The following ARX variants were observed in gnomAD, a reference collection of about 807,000 sequenced individuals.
ARX encodes aristaless related homeobox, also known as homeobox protein ARX.
A neutral mutation model predicts 23.1 loss-of-function variants in ARX; 1 was observed. The observed-to-expected ratio is 0.04, with a 90% CI of 0.02 to 0.21. The LOEUF (loss-of-function observed/expected upper bound fraction) is 0.21, where lower values mean the gene tolerates loss of function less well. ARX is among the 10% of genes least tolerant of loss of function. The pLI is 1.00. For missense variants in ARX, 380 were observed against 527.5 expected (o/e 0.72, Z 2.74); for synonymous variants, 301 against 270.1 (o/e 1.11, Z -1.12).
chrX:25,013,105 A>G lies in ARX; in HGVS notation c.890T>C (p.Leu297Pro). Reference protein sequence around the residue: ...GELSPKEELLLHPEDAEGKDG... With the variant: ...GELSPKEELLPHPEDAEGKDG... ...CTTGCCCTCAGCGTCTTCCGGGTGC[A>G]GCAGCAGCTCCTCCTTGGGTGACAG... Residue 297 changes from leucine (L) to proline (P), a missense_variant, in exon 2 of 5, where the codon CTG becomes CCG. Transcript: ENST00000379044. 1 of 1,202,894 alleles carries G rather than the reference A, an allele frequency of 8.3e-7. No individual in the cohort carries two copies. Among genetic ancestry groups the G allele is most frequent in the Non-Finnish European group, 1.1e-6 (1 of 891,550 alleles).
In ARX at chrX:25,007,182, C is replaced by A. The variant is rs757030151; in HGVS notation, c.1377G>T (p.Pro459=). Residue 459 remains proline, a synonymous_variant, in exon 4 of 5, where the codon CCG becomes CCT. Coordinates refer to ENST00000379044, the MANE Select transcript of ARX (RefSeq NM_139058.3). ...GSASLPPSGA[P]LGLSTFLGAA... ...CTCCGAGGAAAGTGCTCAGGCCCAG[C>A]GGCGCCCCGCTGGGCGGCAGGCTGG... The A allele has an allele frequency of 8.4e-7, 1 of 1,190,315 alleles. No individual in the cohort carries two copies. The highest frequency in any genetic ancestry group is 1.1e-6 in the Non-Finnish European group (1 of 885,880).
At position 25,003,790 on chromosome X, in the gene ARX, G is replaced by A. The variant is rs1186815084; in HGVS notation, c.*880C>T. On this transcript the variant is annotated 3_prime_UTR_variant, in exon 5 of 5. Coordinates refer to ENST00000379044, the MANE Select transcript of ARX (RefSeq NM_139058.3). ...CAATTACACATTACACAAAAGTACT[G>A]TACCATTGCCTTTATCTTGAAGGTT... 1.8e-5 allele frequency: 2 copies of A among 111,720 alleles called. No individual in the cohort carries two copies. The highest frequency in any genetic ancestry group is 3.8e-5 in the Non-Finnish European group (2 of 53,170). 9.2% of individuals were successfully genotyped at this position (111,720 alleles called of 1,213,427 possible).
At position 25,013,461 on chromosome X, in the gene ARX, G is replaced by A; in HGVS notation, c.534C>T (p.Asn178=). 1 of 927,548 alleles carries A rather than the reference G, an allele frequency of 1.1e-6. No individual in the cohort carries two copies. Among genetic ancestry groups the A allele is most frequent in the Non-Finnish European group, 1.3e-6 (1 of 747,761 alleles). 76.4% of individuals were successfully genotyped at this position (927,548 alleles called of 1,213,427 possible). ...GCGGCGGCGGCACGAAGGGCGCCCC[G>A]TTCTCGCGGTACGACTTGCTGCGGC... ...SISRSKSYRE[N]GAPFVPPPPA... The change falls in exon 2 of 5, where the codon AAC becomes AAT. Residue 178 remains asparagine, a synonymous_variant. Coordinates refer to ENST00000379044, the MANE Select transcript of ARX (RefSeq NM_139058.3).
chrX:25,010,500 G>A (rs1158324149), intron 2 of ARX, among the ~76,000 whole-genome samples, 195 bp from the exon 3 acceptor site: 3 of 106,225 alleles, frequency 2.8e-5, no homozygotes, highest in Admixed American at 2.0e-4. Context: ...GCAAAAACAC[G>A]AAGCACATTA....
At chrX:25,006,429 A>G (rs1161504466) in intron 4 of ARX, 1 of 112,966 alleles carries the variant, frequency 8.9e-6, no homozygotes, top group Non-Finnish European at 1.9e-5. Context: ...GCGCTAACAC[A>G]ATACATCCCT....
intron 3 of ARX, 60 bp from the exon 4 acceptor site, chrX:25,007,499 C>T (rs1314398194): frequency 9.0e-7 from 1 of 1,113,714 alleles, no homozygotes; most frequent in Non-Finnish European, 1.2e-6. Context: ...CACCGGGCCC[C>T]TACCCGTCCC....
At chrX:25,008,291 A>G (rs1194867680) in intron 3 of ARX, among the ~76,000 whole-genome samples, 1 of 113,043 alleles carries the variant, frequency 8.8e-6, no homozygotes, top group Non-Finnish European at 1.9e-5. Flanking sequence ...AGCAGGCAGC[A>G]ATACCTGGGC....
Position 25,013,332 on chromosome X carries a change from G to A in ARX, c.663C>T (p.Thr221=), listed in dbSNP as rs1006404746. 3.7e-5 allele frequency: 43 copies of A among 1,150,184 alleles called. No homozygotes were observed. Among genetic ancestry groups the A allele is most frequent in the African/African-American group, 3.6e-4 (20 of 55,227 alleles). The allele number at this position is 1,150,184 out of a possible 1,213,427, so 94.8% of individuals were successfully genotyped here. A position where few individuals can be genotyped will look rare whatever the true frequency, so the allele number is the denominator to read the frequency against. The change falls in exon 2 of 5, where the codon ACC becomes ACT. Residue 221 remains threonine (T), a synonymous_variant. Transcript: ENST00000379044. ...PGSAPAAGGG[T]GTEDDEEELL... Reference sequence around the variant, plus strand: ...GCTCCTCCTCGTCGTCCTCGGTGCCGGTGCCACCACCCGCAGCCGGGGCGC... The same window carrying A: ...GCTCCTCCTCGTCGTCCTCGGTGCCAGTGCCACCACCCGCAGCCGGGGCGC...
chrX:25,005,236 G>C (rs2048672690), intron 4 of ARX, among the ~76,000 whole-genome samples: 2 of 112,134 alleles, frequency 1.8e-5, no homozygotes, highest in Admixed American at 9.3e-5. Context: ...TCGCTTAAAC[G>C]GACGGTTTAT....
rs761996455 is a variant in ARX at position 25,010,062 on chromosome X, C to A, written c.1119+198G>T. On this transcript the variant is annotated intron_variant, in intron 3 of 4. Coordinates refer to ENST00000379044, the MANE Select transcript of ARX (RefSeq NM_139058.3). ...TGGGCTCCCAAACCCAGAAACCTCC[C>A]GCTTCCACCTCCCATGTCTTAAGTT... Among the ~76,000 whole-genome samples the A allele has an allele frequency of 2.3e-4, 26 of 111,394 alleles. 2 individuals are homozygous for A. The Admixed American group carries it at 2.4e-3, about 10-fold the overall frequency.
intron 4 of ARX, among the ~76,000 whole-genome samples, chrX:25,005,333 G>A (rs369042004): frequency 0.012 from 876 of 73,632 alleles, 7 homozygotes; most frequent in South Asian, 0.054. Context: ...AGGGAAGGTG[G>A]AGGGTGGGAG....
At chrX:25,005,657 C>T (rs1569393693) in intron 4 of ARX, among the ~76,000 whole-genome samples, 1 of 112,810 alleles carries the variant, frequency 8.9e-6, no homozygotes, top group East Asian at 2.8e-4. Context: ...TTCCCCGCGC[C>T]CCTGTAGCCT....
Position 25,004,469 on chromosome X carries a change from G to T in ARX, c.*201C>A. 3.1e-6 allele frequency: 2 copies of T among 641,239 alleles called. No individual in the cohort carries two copies. Among genetic ancestry groups the T allele is most frequent in the Non-Finnish European group, 4.7e-6 (2 of 428,740 alleles). The allele number at this position is 641,239 out of a possible 1,213,427, so 52.8% of individuals were successfully genotyped here. A position where few individuals can be genotyped will look rare whatever the true frequency, so the allele number is the denominator to read the frequency against. Reference sequence around the variant, plus strand: ...GTAGCAGGGGCAGGGGCAGGGGCGGGTGGACAGCCAGCCGAGGAGGTGCCA... The same window carrying T: ...GTAGCAGGGGCAGGGGCAGGGGCGGTTGGACAGCCAGCCGAGGAGGTGCCA... On this transcript the variant is annotated 3_prime_UTR_variant, in exon 5 of 5. Transcript: ENST00000379044.
At chrX:25,014,531 G>T (rs1354758592) in intron 1 of ARX, among the ~76,000 whole-genome samples, 1 of 112,695 alleles carries the variant, frequency 8.9e-6, no homozygotes, top group African/African-American at 3.2e-5. Flanking sequence ...GGGTGGGGGG[G>T]CTTCTTGCAC....
In ARX at chrX:25,013,031, C is replaced by T; in HGVS notation, c.964G>A (p.Gly322Arg). 1 of 1,199,937 alleles carries T rather than the reference C, an allele frequency of 8.3e-7. No individual in the cohort carries two copies. The highest frequency in any genetic ancestry group is 1.1e-6 in the Non-Finnish European group (1 of 889,770). Residue 322 changes from glycine (G) to arginine (R), a missense_variant, in exon 2 of 5, where the codon GGG (glycine) becomes AGG (arginine). Transcript: ENST00000379044. ...CLSAGSDSEEGLLKRKQRRYR... is the reference protein window; with the variant it reads ...CLSAGSDSEERLLKRKQRRYR... The stretch of plus-strand genomic sequence containing the variant: ...CGCCTCTGTTTGCGTTTCAGCAGCC[C>T]CTCCTCCGAGTCGCTGCCCGCAGAG...
chrX:25,009,992 T>C (rs1315185150), intron 3 of ARX, among the ~76,000 whole-genome samples: 4 of 111,145 alleles, frequency 3.6e-5, no homozygotes, highest in African/African-American at 1.3e-4. Flanking sequence ...CAAACTGCAG[T>C]CTCAGGGACT....
chrX:25,007,039 C>G, intron 4 of ARX, 72 bp downstream of exon 4: 2 of 1,117,039 alleles, frequency 1.8e-6, no homozygotes, highest in South Asian at 3.9e-5. Context: ...TGACTCCTGC[C>G]TCCTCCCTGC....
At position 25,007,343 on chromosome X, in the gene ARX, C is replaced by T. The variant is rs587783142; in HGVS notation, c.1216G>A (p.Ala406Thr). The T allele has an allele frequency of 8.7e-7, 1 of 1,143,011 alleles. No individual in the cohort carries two copies. The highest frequency in any genetic ancestry group is 1.2e-6 in the Non-Finnish European group (1 of 866,884). The allele number at this position is 1,143,011 out of a possible 1,213,427, so 94.2% of individuals were successfully genotyped here. A position where few individuals can be genotyped will look rare whatever the true frequency, so the allele number is the denominator to read the frequency against. The change falls in exon 4 of 5, where the codon GCC becomes ACC. Residue 406 changes from alanine to threonine, a missense_variant. Around this residue, in one of 3 missense-constraint regions of ARX, gnomAD observed 121 missense variants for 169.7 expected, o/e 0.71. Transcript: ENST00000379044. ...PGLPFPGPLS[A>T]THPLSPYLDA... ...AGGTAGGGGCTGAGCGGGTGGGTGGCGGAGAGCGGCCCCGGGAAGGGCAGC... is the reference window on the plus strand; with the variant it reads ...AGGTAGGGGCTGAGCGGGTGGGTGGTGGAGAGCGGCCCCGGGAAGGGCAGC...
chrX:25,006,997 G>C, intron 4 of ARX, 114 bp downstream of exon 4: 3 of 899,117 alleles, frequency 3.3e-6, no homozygotes, highest in Non-Finnish European at 4.5e-6. Flanking sequence ...CTCTGAGGTT[G>C]GGTCAAAGAA....
Sources: gnomAD v4.1 joint callset for allele counts (sites outside exome capture counted in the v4.1 genomes callset) on GRCh38, gnomAD v4.1.1 for gene constraint, gnomAD v4.1.1 regional missense constraint, MANE v1.5 for transcripts, NCBI Gene and HGNC (gene_info 2026-07-23, HGNC 2026-07-21) for gene names.